LIN7A: variants seen among roughly 807,000 people sequenced by gnomAD.
The protein encoded by LIN7A is lin-7 cell polarity scaffold A.
Under a neutral mutation model 29.8 loss-of-function variants are expected in LIN7A, and 25 were observed. That is an observed-to-expected ratio of 0.84 (90% CI 0.61 to 1.17). The LOEUF is 1.17. Ranked by LOEUF, LIN7A falls within the 50% of genes most tolerant of loss-of-function variation. LIN7A has a pLI of 0.00. For synonymous variants in LIN7A, 118 were observed against 107.5 expected, an observed-to-expected ratio of 1.10 and a Z score of -0.60; for missense variants, 239 against 287.0, an observed-to-expected ratio of 0.83 and a Z score of 1.21.
intron 2 of LIN7A, among the ~76,000 whole-genome samples, chr12:80,870,573 A>C (rs1244882306): frequency 6.6e-6 from 1 of 152,212 alleles, no homozygotes; most frequent in African/African-American, 2.4e-5. Flanking sequence ...TGGAGGACTG[A>C]ATAAATGTTC....
intron 1 of LIN7A, among the ~76,000 whole-genome samples, chr12:80,931,251 G>A (rs1490037672): frequency 6.6e-6 from 1 of 152,166 alleles, no homozygotes; most frequent in Admixed American, 6.5e-5. Flanking sequence ...TCGGATGAAT[G>A]ACACACCAAA....
chr12:80,860,758 C>T (rs2120402915), intron 2 of LIN7A, among the ~76,000 whole-genome samples: 1 of 152,312 alleles, frequency 6.6e-6, no homozygotes, highest in Non-Finnish European at 1.5e-5. Flanking sequence ...ACTCTTGATG[C>T]CCAGCAGCAC....
intron 2 of LIN7A, among the ~76,000 whole-genome samples, chr12:80,868,039 A>G (rs184124022): frequency 6.6e-6 from 1 of 152,374 alleles, no homozygotes; most frequent in African/African-American, 2.4e-5. Flanking sequence ...AAGCAAAGTG[A>G]AAGCTGGAAG....
intron 1 of LIN7A, among the ~76,000 whole-genome samples, chr12:80,892,111 C>T (rs1875655335): frequency 6.6e-6 from 1 of 152,290 alleles, no homozygotes; most frequent in South Asian, 2.1e-4. Flanking sequence ...ATAATAATTA[C>T]TACCCTCTGT....
At chr12:80,929,365 T>A (rs1380253029) in intron 1 of LIN7A, among the ~76,000 whole-genome samples, 1 of 152,202 alleles carries the variant, frequency 6.6e-6, no homozygotes, top group Non-Finnish European at 1.5e-5. Context: ...TTTAGAATAT[T>A]GGTAGGGTTG....
chr12:80,891,141 T>C (rs1012831961), intron 1 of LIN7A, among the ~76,000 whole-genome samples: 3 of 152,218 alleles, frequency 2.0e-5, no homozygotes, highest in Non-Finnish European at 4.4e-5. Flanking sequence ...TAAAGAGCCC[T>C]ATCACTCTCA....
intron 4 of LIN7A, among the ~76,000 whole-genome samples, chr12:80,839,158 G>A (rs183121687): frequency 3.9e-5 from 6 of 152,258 alleles, no homozygotes; most frequent in African/African-American, 1.4e-4. Flanking sequence ...AACCCATAAA[G>A]GCTAAGAAAA....
intron 2 of LIN7A, among the ~76,000 whole-genome samples, chr12:80,886,087 G>A (rs1318945757): frequency 6.6e-6 from 1 of 151,904 alleles, no homozygotes; most frequent in Non-Finnish European, 1.5e-5. Flanking sequence ...TCTCTGTTTT[G>A]CATGACAACA....
intron 4 of LIN7A, among the ~76,000 whole-genome samples, chr12:80,818,285 AGT>A (rs1305818208): frequency 6.6e-6 from 1 of 151,976 alleles, no homozygotes. Context: ...TTATTTTAAG[AGT>A]GTGTGTGTTC....
intron 2 of LIN7A, among the ~76,000 whole-genome samples, chr12:80,863,834 C>A (rs533515179): frequency 6.6e-6 from 1 of 152,022 alleles, no homozygotes; most frequent in Non-Finnish European, 1.5e-5. Flanking sequence ...AAGGACATTT[C>A]TTTTGCATAT....
At chr12:80,910,415 C>T (rs1194167709) in intron 1 of LIN7A, among the ~76,000 whole-genome samples, 1 of 152,112 alleles carries the variant, frequency 6.6e-6, no homozygotes, top group Non-Finnish European at 1.5e-5. Flanking sequence ...TCATAAAATG[C>T]TAAGTAGAAG....
chr12:80,922,228 C>T (rs979137803), intron 1 of LIN7A, among the ~76,000 whole-genome samples: 1 of 152,068 alleles, frequency 6.6e-6, no homozygotes, highest in Non-Finnish European at 1.5e-5. Flanking sequence ...ACTTAAAATC[C>T]GTATTAAAAC....
Position 80,792,763 on chromosome 12 carries a change from A to G in LIN7A, c.*4964T>C, listed in dbSNP as rs1156999396. ...TTACATCAGGGATTTTGTTTCTTTC[A>G]GTTTTTGTAGCACCAAATAGACACA... On this transcript the variant is annotated 3_prime_UTR_variant, in exon 6 of 6. Coordinates refer to ENST00000552864, the MANE Select transcript of LIN7A (RefSeq NM_004664.4). 2 of 152,060 alleles carry G rather than the reference A, an allele frequency of 1.3e-5. No individual in the cohort carries two copies. The highest frequency in any genetic ancestry group is 3.8e-4 in the East Asian group (2 of 5,196). 9.4% of individuals were successfully genotyped at this position (152,060 alleles called of 1,614,324 possible). A position where few individuals can be genotyped will look rare whatever the true frequency, so the allele number is the denominator to read the frequency against.
chr12:80,859,112 T>A (rs565737888), intron 2 of LIN7A, among the ~76,000 whole-genome samples: 95 of 152,238 alleles, frequency 6.2e-4, no homozygotes, highest in African/African-American at 2.3e-3. Context: ...AGATAAACAA[T>A]GAATAAATTT....
At chr12:80,816,484 TATA>T (rs1259137272) in intron 4 of LIN7A, among the ~76,000 whole-genome samples, 1 of 87,196 alleles carries the variant, frequency 1.1e-5, no homozygotes, top group Admixed American at 1.0e-4. Flanking sequence ...ATACAATAGT[TATA>T]TATATATATG....
intron 2 of LIN7A, among the ~76,000 whole-genome samples, chr12:80,865,256 A>C (rs1874078602): frequency 1.3e-5 from 2 of 152,166 alleles, no homozygotes; most frequent in African/African-American, 4.8e-5. Context: ...TGTATTACAA[A>C]ATTAAAGAAA....
chr12:80,831,230 G>C (rs1462603331), intron 4 of LIN7A, among the ~76,000 whole-genome samples: 1 of 152,118 alleles, frequency 6.6e-6, no homozygotes, highest in South Asian at 2.1e-4. Flanking sequence ...AGGTGCTTTA[G>C]ATACAAGTTC....
chr12:80,796,944 T>C lies in LIN7A; in HGVS notation c.*783A>G, dbSNP rs1327107461. The C allele has an allele frequency of 6.6e-6, 1 of 152,132 alleles. No individual in the cohort carries two copies. The highest frequency in any genetic ancestry group is 2.4e-5 in the African/African-American group (1 of 41,428). 9.4% of individuals were successfully genotyped at this position (152,132 alleles called of 1,614,324 possible). A position where few individuals can be genotyped will look rare whatever the true frequency, so the allele number is the denominator to read the frequency against. ...CTTGGTAAGAAAAGAACCTAAGTTG[T>C]AACAAATGCACTCTGATAATATATA... is the stretch of plus-strand genomic sequence containing the variant. On this transcript the variant is annotated 3_prime_UTR_variant, in exon 6 of 6. Coordinates refer to ENST00000552864, the MANE Select transcript of LIN7A (RefSeq NM_004664.4).
intron 4 of LIN7A, among the ~76,000 whole-genome samples, chr12:80,823,997 C>T (rs959368428): frequency 1.3e-5 from 2 of 152,038 alleles, no homozygotes; most frequent in African/African-American, 4.8e-5. Flanking sequence ...AAACCCAAAC[C>T]CAGCAGAAGA....
Sources: gnomAD v4.1 joint callset for allele counts (sites outside exome capture counted in the v4.1 genomes callset) on GRCh38, gnomAD v4.1.1 for gene constraint, MANE v1.5 for transcripts, NCBI Gene and HGNC (gene_info 2026-07-23, HGNC 2026-07-21) for gene names.